The following SLC1A2 variants were observed in gnomAD, a reference collection of about 807,000 sequenced individuals.
SLC1A2 encodes excitatory amino acid transporter 2.
Under a neutral mutation model 48.8 loss-of-function variants are expected in SLC1A2, and 15 were observed. The ratio of observed to expected loss-of-function variants is 0.31; its 90% CI spans 0.21 to 0.47. The LOEUF is 0.47. Among genes scored for constraint, SLC1A2 ranks in the 20% least tolerant of loss-of-function variants. The pLI is 0.99. For synonymous variants in SLC1A2, 279 were observed against 272.6 expected (o/e 1.02, Z -0.23); for missense variants, 502 against 730.5 (o/e 0.69, Z 3.61).
chr11:35,373,986 C>T (rs975248294), intron 1 of SLC1A2, among the ~76,000 whole-genome samples: 3 of 152,226 alleles, frequency 2.0e-5, no homozygotes, highest in African/African-American at 7.2e-5. Context: ...CGTGTCTTAG[C>T]TGTGTGATCT....
chr11:35,377,155 GAGCC>G (rs201694011), intron 1 of SLC1A2, among the ~76,000 whole-genome samples: 2,580 of 152,290 alleles, frequency 0.017, 73 homozygotes, highest in African/African-American at 0.06. Flanking sequence ...TAGGAGGAAG[GAGCC>G]ATTAATATTA....
intron 9 of SLC1A2, among the ~76,000 whole-genome samples, chr11:35,279,377 G>A (rs1330397829): frequency 6.6e-6 from 1 of 152,194 alleles, no homozygotes. Flanking sequence ...GTCCTTCACT[G>A]GGAAAGGTAG....
chr11:35,301,109 C>A (rs999923163), intron 6 of SLC1A2, among the ~76,000 whole-genome samples: 1 of 152,088 alleles, frequency 6.6e-6, no homozygotes, highest in African/African-American at 2.4e-5. Flanking sequence ...TGGTCTGCAA[C>A]CTGGAAAAGG....
At chr11:35,266,196 G>C (rs1006658553) in intron 9 of SLC1A2, among the ~76,000 whole-genome samples, 10 of 152,126 alleles carry the variant, frequency 6.6e-5, no homozygotes, top group Non-Finnish European at 1.5e-4. Context: ...CACTATCTCT[G>C]CTTATCTTAC....
At position 35,315,165 on chromosome 11, in the gene SLC1A2, C is replaced by T. The variant is rs1851833620; in HGVS notation, c.168G>A (p.Leu56=). The change falls in exon 3 of 11, where the codon CTG becomes CTA. Residue 56 remains leucine (L), a synonymous_variant. Transcript: ENST00000278379. The part of the protein sequence containing the change: ...LLTLTVFGVI[L]GAVCGGLLRL... ...GAAGAAGCCCTCCACACACTGCTCCCAGGATGACACCTAAAAGGAAGGGGA... is the reference window on the plus strand; with the variant it reads ...GAAGAAGCCCTCCACACACTGCTCCTAGGATGACACCTAAAAGGAAGGGGA... 1.2e-6 allele frequency: 2 copies of T among 1,613,498 alleles called. No homozygotes were observed. Among genetic ancestry groups the T allele is most frequent in the African/African-American group, 1.3e-5 (1 of 75,040 alleles).
chr11:35,292,611 C>T (rs1015305378), intron 6 of SLC1A2, 91 bp from the exon 7 acceptor site: 2 of 689,386 alleles, frequency 2.9e-6, no homozygotes, highest in East Asian at 2.6e-5. Flanking sequence ...GAGGAAAACG[C>T]TTGGCTCTTC....
intron 7 of SLC1A2, 175 bp downstream of exon 7, chr11:35,292,112 C>T (rs1591436179): frequency 3.2e-6 from 2 of 618,958 alleles, no homozygotes; most frequent in Non-Finnish European, 5.8e-6. Context: ...CCAGAAGGCT[C>T]AGAAGTTCCT....
At chr11:35,275,278 G>C (rs1252207499) in intron 9 of SLC1A2, among the ~76,000 whole-genome samples, 1 of 152,222 alleles carries the variant, frequency 6.6e-6, no homozygotes, top group African/African-American at 2.4e-5. Flanking sequence ...GATCTCACTA[G>C]CAGAGTCTTA....
intron 1 of SLC1A2, among the ~76,000 whole-genome samples, chr11:35,377,986 G>C (rs1026467064): frequency 6.6e-6 from 1 of 152,200 alleles, no homozygotes; most frequent in African/African-American, 2.4e-5. Flanking sequence ...ATGGCAAATG[G>C]AAGCAACATT....
chr11:35,303,456 G>A (rs537622729), intron 5 of SLC1A2, among the ~76,000 whole-genome samples: 1 of 152,306 alleles, frequency 6.6e-6, no homozygotes, highest in East Asian at 1.9e-4. Flanking sequence ...CCAGGACAGA[G>A]GGAACTAGTT....
intron 1 of SLC1A2, among the ~76,000 whole-genome samples, chr11:35,344,629 T>C (rs1852962427): frequency 6.6e-6 from 1 of 152,198 alleles, no homozygotes; most frequent in African/African-American, 2.4e-5. Context: ...TTGTTGCTTC[T>C]GACATGGCTC....
intron 1 of SLC1A2, among the ~76,000 whole-genome samples, chr11:35,416,845 A>G (rs188282560): frequency 5.9e-5 from 9 of 152,360 alleles, no homozygotes; most frequent in Non-Finnish European, 1.2e-4. Flanking sequence ...AGATCTCATG[A>G]GTCCACGTGA....
intron 4 of SLC1A2, 23 bp downstream of exon 4, chr11:35,312,175 A>G (rs201944308): frequency 6.2e-7 from 1 of 1,611,908 alleles, no homozygotes; most frequent in Admixed American, 1.7e-5. Context: ...TGGAGAAGAG[A>G]GAACATCTGA....
chr11:35,328,137 T>C (rs79873971), intron 1 of SLC1A2, among the ~76,000 whole-genome samples: 1,627 of 152,308 alleles, frequency 0.011, 19 homozygotes, highest in Non-Finnish European at 0.018. Context: ...GCCCCAGATG[T>C]ACCATCATAA....
At chr11:35,280,497 C>T (rs116778019) in intron 9 of SLC1A2, 3,952 of 173,172 alleles carry the variant, frequency 0.023, 170 homozygotes, top group African/African-American at 0.087. Context: ...TGTGGTACAT[C>T]GTCTTTTCTT....
At chr11:35,374,017 T>TCTTGAGCAAGTTAA (rs1285831305) in intron 1 of SLC1A2, among the ~76,000 whole-genome samples, 1 of 152,236 alleles carries the variant, frequency 6.6e-6, no homozygotes, top group Non-Finnish European at 1.5e-5. Context: ...ACTTAAACTC[T>TCTTGAGCAAGTTAA]GTGTTTCTCA....
intron 8 of SLC1A2, 109 bp downstream of exon 8, chr11:35,286,648 A>T: frequency 1.3e-6 from 1 of 754,558 alleles, no homozygotes; most frequent in Non-Finnish European, 2.1e-6. Flanking sequence ...TATTACCTTC[A>T]TTGTCTTCCA....
chr11:35,417,632 T>C (rs1855649036), intron 1 of SLC1A2, among the ~76,000 whole-genome samples: 1 of 152,206 alleles, frequency 6.6e-6, no homozygotes, highest in Non-Finnish European at 1.5e-5. Context: ...AAACATCTTT[T>C]TGGAGAAATA....
At chr11:35,327,306 G>A (rs1852280126) in intron 1 of SLC1A2, among the ~76,000 whole-genome samples, 1 of 149,346 alleles carries the variant, frequency 6.7e-6, no homozygotes, top group East Asian at 1.9e-4. Context: ...AATACATATA[G>A]TATATCTATC....
Sources: gnomAD v4.1 joint callset for allele counts (sites outside exome capture counted in the v4.1 genomes callset) on GRCh38, gnomAD v4.1.1 for gene constraint, MANE v1.5 for transcripts, NCBI Gene and HGNC (gene_info 2026-07-23, HGNC 2026-07-21) for gene names.